CLEC16A: variants seen among roughly 807,000 people sequenced by gnomAD.
CLEC16A encodes C-type lectin domain containing 16A.
CLEC16A carries 51 observed loss-of-function variants against 109.5 expected under a neutral mutation model. That is an observed-to-expected ratio of 0.47 (90% confidence interval 0.37 to 0.59). The LOEUF (loss-of-function observed/expected upper bound fraction) is 0.59, where lower values mean the gene tolerates loss of function less well. CLEC16A is among the 20% of genes least tolerant of loss of function. The pLI is 0.00. For missense variants in CLEC16A, 1,339 were observed against 1,394.0 expected (o/e 0.96, Z 0.63); for synonymous variants, 673 against 564.2 (o/e 1.19, Z -2.73).
rs1344559494 is a variant in CLEC16A, at chr16:11,179,004, A to C, written c.*314A>C. The C allele has an allele frequency of 6.2e-6, 2 of 325,070 alleles. No individual in the cohort carries two copies. The highest frequency in any genetic ancestry group is 9.6e-5 in the Admixed American group (2 of 20,834). The allele number at this position is 325,070 out of a possible 1,614,324, so 20.1% of individuals were successfully genotyped here. ...GCCCCGGGTGGCAGGACCCACCGGC[A>C]CCTCTTTCTTCCTCTGTCATATGGC... On this transcript the variant is annotated 3_prime_UTR_variant, in exon 24 of 24. Coordinates refer to ENST00000409790, the MANE Select transcript of CLEC16A (RefSeq NM_015226.3).
In CLEC16A at chr16:11,128,195, G is replaced by C. The variant is rs541413913; in HGVS notation, c.2641+2049G>C. ...TTCTGAGCCCTTTTGGAACAAGGTA[G>C]AATGTAAATAAATACATGGAGCCAA... On this transcript the variant is annotated intron_variant, in intron 22 of 23. Transcript: ENST00000409790. Among the ~76,000 whole-genome samples the C allele has an allele frequency of 5.1e-4, 77 of 152,370 alleles. 1 individual carries two copies. The highest frequency in any genetic ancestry group is 2.1e-3 in the South Asian group (10 of 4,832).
At chr16:11,053,750 G>A (rs913574205) in intron 18 of CLEC16A, among the ~76,000 whole-genome samples, 2 of 152,176 alleles carry the variant, frequency 1.3e-5, no homozygotes, top group African/African-American at 4.8e-5. Context: ...TGAGCCACAA[G>A]TCAGCCCAGG....
At chr16:11,128,680 G>T (rs954486446) in intron 22 of CLEC16A, among the ~76,000 whole-genome samples, 1 of 152,148 alleles carries the variant, frequency 6.6e-6, no homozygotes, top group Non-Finnish European at 1.5e-5. Context: ...CTGAGCCTTG[G>T]CATGGTGGGA....
At chr16:11,085,664 A>C (rs1054944405) in intron 19 of CLEC16A, among the ~76,000 whole-genome samples, 3 of 152,200 alleles carry the variant, frequency 2.0e-5, no homozygotes, top group Non-Finnish European at 4.4e-5. Flanking sequence ...TCCTGTCTGG[A>C]TCTGAGTGGC....
intron 12 of CLEC16A, among the ~76,000 whole-genome samples, chr16:11,022,229 C>T (rs927455896): frequency 2.0e-5 from 3 of 151,936 alleles, no homozygotes; most frequent in African/African-American, 7.3e-5. Flanking sequence ...GAGCAGCTTT[C>T]TCCTTTGTCA....
At chr16:11,074,758 C>T (rs764609585) in intron 19 of CLEC16A, among the ~76,000 whole-genome samples, 12 of 152,252 alleles carry the variant, frequency 7.9e-5, no homozygotes, top group Non-Finnish European at 1.5e-4. Flanking sequence ...CTGAAAAACA[C>T]ACACACACAA....
chr16:11,040,764 G>A (rs550719411), intron 14 of CLEC16A: 4 of 152,066 alleles, frequency 2.6e-5, no homozygotes, highest in East Asian at 3.9e-4. Flanking sequence ...CACCCACCTC[G>A]GCCTCCCAAA....
At chr16:11,157,179 A>C in intron 22 of CLEC16A, 1 of 1,262,588 alleles carries the variant, frequency 7.9e-7, no homozygotes, top group Non-Finnish European at 1.0e-6. Context: ...TATGTTGGAC[A>C]TGTTATCCGT....
chr16:11,083,529 G>C (rs1431498536), intron 19 of CLEC16A, among the ~76,000 whole-genome samples: 2 of 152,192 alleles, frequency 1.3e-5, no homozygotes, highest in Admixed American at 1.3e-4. Context: ...GAGGGGCCCA[G>C]GTAGCACGTG....
At position 11,039,742 on chromosome 16, in the gene CLEC16A, C is replaced by T. The variant is rs200878023; in HGVS notation, c.1538-12C>T. The T allele has an allele frequency of 7.5e-6, 12 of 1,591,144 alleles. No individual in the cohort carries two copies. The highest frequency in any genetic ancestry group is 3.5e-5 in the Admixed American group (2 of 56,738). ...AGGAGGCCTCCACTTACATCCTTCT[C>T]CTCTGTTCCAGGCATGGATCCTGAA... On this transcript the variant is annotated splice_polypyrimidine_tract_variant and intron_variant, in intron 13 of 23. Transcript: ENST00000409790.
At chr16:11,087,831 G>A (rs2050092611) in intron 19 of CLEC16A, among the ~76,000 whole-genome samples, 1 of 152,248 alleles carries the variant, frequency 6.6e-6, no homozygotes, top group South Asian at 2.1e-4. Flanking sequence ...CGCTGGCCAG[G>A]TCACTGTGCT....
At chr16:10,978,572 A>G (rs1210739042) in intron 8 of CLEC16A, among the ~76,000 whole-genome samples, 1 of 152,210 alleles carries the variant, frequency 6.6e-6, no homozygotes, top group Non-Finnish European at 1.5e-5. Flanking sequence ...GTGCCCAGCC[A>G]GGACTGAGGC....
At chr16:11,112,467 T>C (rs2051659159) in intron 19 of CLEC16A, among the ~76,000 whole-genome samples, 1 of 124,266 alleles carries the variant, frequency 8.0e-6, no homozygotes, top group African/African-American at 3.3e-5. Context: ...GAGACCAGGC[T>C]GGACAACATA....
chr16:11,133,473 G>T (rs372834200), intron 22 of CLEC16A, among the ~76,000 whole-genome samples: 2 of 152,106 alleles, frequency 1.3e-5, no homozygotes, highest in Non-Finnish European at 2.9e-5. Flanking sequence ...TAATAGTTCC[G>T]TGGAAAAGCC....
At chr16:11,021,398 G>T (rs1301125568) in intron 12 of CLEC16A, among the ~76,000 whole-genome samples, 1 of 152,208 alleles carries the variant, frequency 6.6e-6, no homozygotes, top group African/African-American at 2.4e-5. Context: ...AACACAGACG[G>T]TTGGGGACAA....
At chr16:11,062,106 G>A (rs530324512) in intron 19 of CLEC16A, among the ~76,000 whole-genome samples, 1 of 151,806 alleles carries the variant, frequency 6.6e-6, no homozygotes, top group Admixed American at 6.6e-5. Context: ...CTCACTGATT[G>A]TCTAAGCTGG....
intron 1 of CLEC16A, among the ~76,000 whole-genome samples, chr16:10,955,569 A>G (rs2041947285): frequency 6.6e-6 from 1 of 152,170 alleles, no homozygotes; most frequent in South Asian, 2.1e-4. Flanking sequence ...GATGACAAGG[A>G]CAGCAAGGGC....
chr16:11,174,263 G>A lies in CLEC16A; in HGVS notation c.2807-4072G>A, dbSNP rs1454131723. 4.3e-6 allele frequency: 2 copies of A among 464,394 alleles called. No homozygotes were observed. The highest frequency in any genetic ancestry group is 2.4e-5 in the Admixed American group (1 of 42,544). The allele number at this position is 464,394 out of a possible 1,614,324, so 28.8% of individuals were successfully genotyped here. A position where few individuals can be genotyped will look rare whatever the true frequency, so the allele number is the denominator to read the frequency against. On this transcript the variant is annotated intron_variant, in intron 23 of 23. Transcript: ENST00000409790. The surrounding 1 kb of genome is among the most constrained non-coding windows in gnomAD (Gnocchi z 4.7). ...AACGGCAGCTGCCACGGCACCTCACGCACAGTCAATTCAGGCAGGTCTCCC... is the reference window on the plus strand; with the variant it reads ...AACGGCAGCTGCCACGGCACCTCACACACAGTCAATTCAGGCAGGTCTCCC...
At chr16:11,046,977 G>C (rs1403073424) in intron 16 of CLEC16A, among the ~76,000 whole-genome samples, 3 of 152,082 alleles carry the variant, frequency 2.0e-5, no homozygotes, top group African/African-American at 7.2e-5. Context: ...TTAAACACTT[G>C]AAATATTAGC....
Sources: gnomAD v4.1 joint callset for allele counts (sites outside exome capture counted in the v4.1 genomes callset) on GRCh38, gnomAD v4.1.1 for gene constraint, Gnocchi (gnomAD v3.1) non-coding constraint, MANE v1.5 for transcripts, NCBI Gene and HGNC (gene_info 2026-07-23, HGNC 2026-07-21) for gene names.